The following IQCM variants were observed in gnomAD, a reference collection of about 807,000 sequenced individuals.
The protein encoded by IQCM is IQ domain-containing protein M.
In IQCM, 45 loss-of-function variants were observed where a neutral mutation model predicts 57.6. The observed-to-expected ratio is 0.78, with a 90% CI of 0.62 to 1.00. The LOEUF (loss-of-function observed/expected upper bound fraction) is 1.00, where lower values mean the gene tolerates loss of function less well. IQCM is among the 50% of genes least tolerant of loss of function. The probability of loss-of-function intolerance (pLI) is 0.00; values close to 1 mark genes in which losing one functional copy is unlikely to be tolerated. For missense variants in IQCM, 468 were observed against 511.6 expected, an observed-to-expected ratio of 0.91 and a Z score of 0.82; for synonymous variants, 148 against 158.9, an observed-to-expected ratio of 0.93 and a Z score of 0.51.
intron 2 of IQCM, among the ~76,000 whole-genome samples, chr4:149,751,748 T>C (rs1472434883): frequency 6.6e-6 from 1 of 152,062 alleles, no homozygotes; most frequent in African/African-American, 2.4e-5. Context: ...GAGATTTAAA[T>C]TTGAGAGTAG....
intron 13 of IQCM, among the ~76,000 whole-genome samples, chr4:149,385,564 A>C (rs1026937706): frequency 6.6e-6 from 1 of 152,118 alleles, no homozygotes; most frequent in African/African-American, 2.4e-5. Context: ...CCTAAAATAC[A>C]GATCCATCTA....
At chr4:149,374,350 A>C (rs1578840680) in intron 13 of IQCM, among the ~76,000 whole-genome samples, 1 of 152,050 alleles carries the variant, frequency 6.6e-6, no homozygotes, top group East Asian at 1.9e-4. Flanking sequence ...CATTGTTTAA[A>C]CTGCATTAGT....
intron 13 of IQCM, among the ~76,000 whole-genome samples, chr4:149,410,714 G>A (rs192093705): frequency 6.6e-6 from 1 of 151,734 alleles, no homozygotes; most frequent in African/African-American, 2.4e-5. Context: ...GCTAAAATTA[G>A]TAAAAAGTCA....
chr4:149,657,796 A>G (rs557533052), intron 7 of IQCM, among the ~76,000 whole-genome samples: 6 of 151,726 alleles, frequency 4.0e-5, no homozygotes, highest in Admixed American at 3.3e-4. Flanking sequence ...GCTCATTTGT[A>G]TGTCTTCTTT....
At chr4:149,565,909 ACT>A (rs1368549067) in intron 9 of IQCM, among the ~76,000 whole-genome samples, 1 of 151,912 alleles carries the variant, frequency 6.6e-6, no homozygotes, top group African/African-American at 2.4e-5. Context: ...ATTTTCTTTC[ACT>A]CTCTTGAAAA....
At chr4:149,481,052 C>T (rs189524947) in intron 12 of IQCM, among the ~76,000 whole-genome samples, 1 of 152,200 alleles carries the variant, frequency 6.6e-6, no homozygotes, top group Admixed American at 6.5e-5. Flanking sequence ...ATTTGTATGT[C>T]TTCTTTGGAG....
At chr4:149,770,247 C>T (rs1014773214) in intron 2 of IQCM, among the ~76,000 whole-genome samples, 1 of 151,978 alleles carries the variant, frequency 6.6e-6, no homozygotes, top group East Asian at 1.9e-4. Context: ...ATACCAACTA[C>T]CAAAGTTCAC....
chr4:149,428,434 G>T (rs1734604018), intron 13 of IQCM, among the ~76,000 whole-genome samples: 1 of 151,774 alleles, frequency 6.6e-6, no homozygotes, highest in Admixed American at 6.6e-5. Flanking sequence ...AGAGAGAAGT[G>T]CCAAAAGGGA....
intron 11 of IQCM, among the ~76,000 whole-genome samples, chr4:149,550,296 C>A (rs2149900531): frequency 6.6e-6 from 1 of 152,300 alleles, no homozygotes; most frequent in Admixed American, 6.5e-5. Context: ...TTTTTGACTC[C>A]TTTCCCTTCT....
chr4:149,626,326 G>T (rs1756792045), intron 7 of IQCM, among the ~76,000 whole-genome samples: 1 of 149,668 alleles, frequency 6.7e-6, no homozygotes. Flanking sequence ...TTGCTCCTCA[G>T]CCTGCAGACA....
intron 5 of IQCM, among the ~76,000 whole-genome samples, chr4:149,717,907 C>G (rs150274779): frequency 4.6e-5 from 7 of 152,158 alleles, no homozygotes; most frequent in Non-Finnish European, 1.0e-4. Flanking sequence ...CCAAAAGGTA[C>G]GTAAACCTCA....
chr4:149,760,924 T>C (rs1769443833), intron 2 of IQCM, among the ~76,000 whole-genome samples: 1 of 152,248 alleles, frequency 6.6e-6, no homozygotes, highest in African/African-American at 2.4e-5. Flanking sequence ...AAGTCTTTTG[T>C]ATTTTAACAA....
intron 12 of IQCM, among the ~76,000 whole-genome samples, chr4:149,438,222 A>AG (rs1337313189): frequency 6.6e-6 from 1 of 152,020 alleles, no homozygotes; most frequent in Non-Finnish European, 1.5e-5. Flanking sequence ...TAAAAAAAAA[A>AG]CATATTTTAT....
At chr4:149,537,964 A>G (rs994257538) in intron 12 of IQCM, among the ~76,000 whole-genome samples, 5 of 151,700 alleles carry the variant, frequency 3.3e-5, no homozygotes, top group African/African-American at 1.2e-4. Context: ...AAGACACCAG[A>G]TGGTAACTCA....
At chr4:149,537,695 G>T (rs930688921) in intron 12 of IQCM, among the ~76,000 whole-genome samples, 1 of 151,816 alleles carries the variant, frequency 6.6e-6, no homozygotes, top group Non-Finnish European at 1.5e-5. Context: ...AAGGCAAAGA[G>T]ATACTCTTGA....
chr4:149,627,371 T>A (rs757983676), intron 7 of IQCM, among the ~76,000 whole-genome samples: 33 of 152,102 alleles, frequency 2.2e-4, no homozygotes, highest in Non-Finnish European at 3.5e-4. Context: ...AAAATCCACA[T>A]GTTCTTTCTA....
intron 13 of IQCM, among the ~76,000 whole-genome samples, chr4:149,355,701 C>A (rs939670091): frequency 2.0e-5 from 3 of 152,080 alleles, no homozygotes; most frequent in Non-Finnish European, 4.4e-5. Flanking sequence ...TCGCAATAAA[C>A]ATATGTGTGC....
chr4:149,604,669 T>TA (rs1228540467), intron 8 of IQCM, among the ~76,000 whole-genome samples: 2 of 152,218 alleles, frequency 1.3e-5, no homozygotes, highest in Admixed American at 1.3e-4. Context: ...GAAAACAAGC[T>TA]AATTAGTGCT....
At chr4:149,360,804 G>A (rs1578790600) in intron 13 of IQCM, among the ~76,000 whole-genome samples, 2 of 152,092 alleles carry the variant, frequency 1.3e-5, no homozygotes, top group African/African-American at 4.8e-5. Context: ...GGTGAAAACA[G>A]ACTAACACAA....
Sources: allele counts gnomAD v4.1 joint callset (sites outside exome capture counted in the v4.1 genomes callset), GRCh38; gene constraint gnomAD v4.1.1; transcripts MANE v1.5; gene names NCBI Gene and HGNC (gene_info 2026-07-23, HGNC 2026-07-21).